The following SPATA6 variants were observed in gnomAD, a reference collection of about 807,000 sequenced individuals.
The protein encoded by SPATA6 is spermatogenesis-associated protein 6.
SPATA6 carries 56 observed loss-of-function variants against 65.3 expected under a neutral mutation model. The observed-to-expected ratio is 0.86, with a 90% CI of 0.69 to 1.07. The LOEUF is 1.07. Ranked by LOEUF, SPATA6 falls within the 50% of genes least tolerant of loss-of-function variation. The probability of loss-of-function intolerance (pLI) is 0.00; values close to 1 mark genes in which losing one functional copy is unlikely to be tolerated. For synonymous variants in SPATA6, 199 were observed against 213.2 expected, an observed-to-expected ratio of 0.93 and a Z score of 0.58; for missense variants, 590 against 594.8, an observed-to-expected ratio of 0.99 and a Z score of 0.08.
At chr1:48,434,257 AAG>A (rs1491115316) in intron 3 of SPATA6, among the ~76,000 whole-genome samples, 32 of 138,670 alleles carry the variant, frequency 2.3e-4, no homozygotes, top group Middle Eastern at 3.6e-3. Context: ...ACAGCAGTGA[AAG>A]AAAAAAAAAA....
chr1:48,462,961 G>T (rs907077537), intron 1 of SPATA6, among the ~76,000 whole-genome samples: 2 of 152,128 alleles, frequency 1.3e-5, no homozygotes. Flanking sequence ...TAGAACAAAA[G>T]GTCAGATTAA....
At chr1:48,399,136 T>G (rs1650891651) in intron 7 of SPATA6, 1 of 531,490 alleles carries the variant, frequency 1.9e-6, no homozygotes, top group South Asian at 3.1e-5. Flanking sequence ...AACATGGCAT[T>G]CATAACACAG....
chr1:48,423,564 C>T (rs866375875), intron 3 of SPATA6, among the ~76,000 whole-genome samples: 121 of 121,020 alleles, frequency 1.0e-3, no homozygotes, highest in African/African-American at 3.9e-3. Context: ...TTCTTTCTTT[C>T]TTTTTTTTTT....
chr1:48,349,043 T>C (rs1366333218), intron 11 of SPATA6, among the ~76,000 whole-genome samples: 1 of 152,008 alleles, frequency 6.6e-6, no homozygotes. Context: ...CCTGGCACTT[T>C]GACTATTTTA....
intron 12 of SPATA6, among the ~76,000 whole-genome samples, chr1:48,303,252 A>AT (rs1644983760): frequency 6.6e-6 from 1 of 152,142 alleles, no homozygotes; most frequent in South Asian, 2.1e-4. Context: ...CACCTCAAAC[A>AT]TTTATCACTT....
chr1:48,283,461 A>G, the SPATA6 span, among the ~76,000 whole-genome samples: 1 of 151,572 alleles, frequency 6.6e-6, no homozygotes, highest in Non-Finnish European at 1.5e-5. Context: ...CAGGCAGATC[A>G]TGAGGTCAAG....
the SPATA6 span, among the ~76,000 whole-genome samples, chr1:48,274,398 G>A: frequency 6.6e-6 from 1 of 152,150 alleles, no homozygotes; most frequent in African/African-American, 2.4e-5. Context: ...TGGGGTTTTA[G>A]TCATGCAGTC....
At chr1:48,302,848 T>C (rs983668965) in intron 12 of SPATA6, among the ~76,000 whole-genome samples, 5 of 152,202 alleles carry the variant, frequency 3.3e-5, no homozygotes, top group African/African-American at 9.6e-5. Flanking sequence ...CCAACCAGTA[T>C]TAAAACTTCA....
intron 11 of SPATA6, among the ~76,000 whole-genome samples, chr1:48,314,961 T>C (rs957387064): frequency 2.6e-5 from 4 of 152,164 alleles, no homozygotes; most frequent in Non-Finnish European, 4.4e-5. Context: ...GATAAATCCT[T>C]GACACATACA....
chr1:48,265,214 C>T, the SPATA6 span, among the ~76,000 whole-genome samples: 1 of 151,966 alleles, frequency 6.6e-6, no homozygotes, highest in African/African-American at 2.4e-5. Flanking sequence ...TTATAACACA[C>T]TGTAATGCAT....
At chr1:48,436,173 CAACTT>C in intron 3 of SPATA6, 8 of 1,610,842 alleles carry the variant, frequency 5.0e-6, no homozygotes, top group Non-Finnish European at 5.9e-6. Flanking sequence ...GAGGATTTGA[CAACTT>C]GACTTCTGTC....
intron 11 of SPATA6, among the ~76,000 whole-genome samples, chr1:48,321,798 T>C (rs1645606492): frequency 6.6e-6 from 1 of 152,148 alleles, no homozygotes; most frequent in South Asian, 2.1e-4. Flanking sequence ...AAGTTGAAAT[T>C]ATATCATGTG....
intron 1 of SPATA6, among the ~76,000 whole-genome samples, chr1:48,466,141 G>A (rs758760437): frequency 6.6e-6 from 1 of 152,048 alleles, no homozygotes; most frequent in Admixed American, 6.6e-5. Context: ...TAGGAAATAT[G>A]TGCAAATATA....
chr1:48,332,141 C>T (rs569469564), intron 11 of SPATA6, among the ~76,000 whole-genome samples: 4 of 152,282 alleles, frequency 2.6e-5, no homozygotes, highest in Non-Finnish European at 4.4e-5. Flanking sequence ...TAAGTACACA[C>T]ACCAGTGACA....
chr1:48,357,177 T>C (rs1484850376), intron 10 of SPATA6, among the ~76,000 whole-genome samples: 6 of 152,114 alleles, frequency 3.9e-5, no homozygotes, highest in South Asian at 2.1e-4. Context: ...TATCAGCTCC[T>C]TTTTCAGTAG....
chr1:48,390,804 C>T (rs964788587), intron 8 of SPATA6, among the ~76,000 whole-genome samples: 9 of 152,132 alleles, frequency 5.9e-5, no homozygotes, highest in Non-Finnish European at 1.3e-4. Flanking sequence ...CCCAAACCAC[C>T]TAATCCAGAA....
intron 9 of SPATA6, among the ~76,000 whole-genome samples, chr1:48,367,238 A>C (rs896413030): frequency 6.6e-6 from 1 of 152,150 alleles, no homozygotes; most frequent in Non-Finnish European, 1.5e-5. Flanking sequence ...TTTCGGAATA[A>C]GTGTGGTGTG....
At chr1:48,378,434 G>GTGTATTATTTGT (rs1459456527) in intron 9 of SPATA6, among the ~76,000 whole-genome samples, 11 of 152,142 alleles carry the variant, frequency 7.2e-5, no homozygotes, top group African/African-American at 2.7e-4. Flanking sequence ...TTTGTATTTA[G>GTGTATTATTTGT]CTAAGTGTAT....
In SPATA6 at chr1:48,467,328, T is replaced by C. The variant is rs375278451; in HGVS notation, c.51+4630A>G. On this transcript the variant is annotated intron_variant, in intron 1 of 12. Transcript: ENST00000371847. ...TAAGCATGGAAGGGGTAGAGAAGAA[T>C]GAGATTGCAACTTTCAACAGGCAAT... Among the ~76,000 whole-genome samples, 100 of 152,176 alleles carry C rather than the reference T, an allele frequency of 6.6e-4. 2 individuals are homozygous for C. In the South Asian group the frequency reaches 0.019, roughly 29 times the overall value.
Sources: allele counts gnomAD v4.1 joint callset (sites outside exome capture counted in the v4.1 genomes callset), GRCh38; gene constraint gnomAD v4.1.1; transcripts MANE v1.5; gene names NCBI Gene and HGNC (gene_info 2026-07-23, HGNC 2026-07-21).